Variants in PCDH15 observed in about 807,000 individuals in gnomAD.
PCDH15 encodes the protein protocadherin-15.
Under a neutral mutation model 178.5 loss-of-function variants are expected in PCDH15, and 129 were observed. That is an observed-to-expected ratio of 0.72 (90% confidence interval 0.63 to 0.84). The LOEUF (loss-of-function observed/expected upper bound fraction) is 0.84. PCDH15 is among the 40% of genes least tolerant of loss of function. The pLI, the probability that PCDH15 is intolerant of heterozygous loss-of-function variation, is 0.00. For missense variants in PCDH15, 2,230 were observed against 2,099.9 expected (o/e 1.06, Z -1.21); for synonymous variants, 800 against 732.0 (o/e 1.09, Z -1.50).
intron 3 of PCDH15, among the ~76,000 whole-genome samples, chr10:54,512,359 TTGTGTGTG>T (rs200575121): frequency 0.046 from 6,220 of 134,114 alleles, 200 homozygotes; most frequent in African/African-American, 0.086. Context: ...ATTTCTGGCA[TTGTGTGTG>T]TGTGTGTGTG....
At chr10:55,315,305 C>CAAATGCAAATGTATA (rs1325261091) in intron 1 of PCDH15, among the ~76,000 whole-genome samples, 2 of 151,964 alleles carry the variant, frequency 1.3e-5, no homozygotes, top group East Asian at 3.9e-4. Context: ...AAAATAATTA[C>CAAATGCAAATGTATA]AAATGCAAAT....
chr10:54,682,746 T>C (rs1023616014), intron 1 of PCDH15, among the ~76,000 whole-genome samples: 8 of 152,292 alleles, frequency 5.3e-5, no homozygotes, highest in Admixed American at 2.0e-4. Context: ...CCCATGTGTG[T>C]GTGCATAGTG....
chr10:55,440,876 A>C (rs1212164707), intron 2 of PCDH15, among the ~76,000 whole-genome samples: 2 of 152,154 alleles, frequency 1.3e-5, no homozygotes, highest in African/African-American at 4.8e-5. Context: ...TCCAGACAAG[A>C]GAGAATGAGG....
chr10:54,989,757 A>T (rs1839456302), intron 2 of PCDH15, among the ~76,000 whole-genome samples: 1 of 152,100 alleles, frequency 6.6e-6, no homozygotes, highest in Non-Finnish European at 1.5e-5. Context: ...GGAAAGCATG[A>T]TTGGTTTTGA....
chr10:53,882,691 A>AT (rs1457660013), intron 26 of PCDH15, among the ~76,000 whole-genome samples: 1 of 152,084 alleles, frequency 6.6e-6, no homozygotes, highest in African/African-American at 2.4e-5. Context: ...AAATATGGTT[A>AT]TTTTTCATGA....
At chr10:54,147,445 T>A (rs1025644504) in intron 14 of PCDH15, among the ~76,000 whole-genome samples, 3 of 151,912 alleles carry the variant, frequency 2.0e-5, no homozygotes, top group Non-Finnish European at 4.4e-5. Flanking sequence ...ATTGTATTGA[T>A]AATTATAGAC....
chr10:54,243,740 G>A (rs2055645022), intron 8 of PCDH15, among the ~76,000 whole-genome samples: 2 of 152,092 alleles, frequency 1.3e-5, no homozygotes, highest in African/African-American at 4.8e-5. Flanking sequence ...ACTTTGCTTA[G>A]TTTTGCTTTT....
At chr10:54,128,827 T>C (rs2042190947) in intron 15 of PCDH15, among the ~76,000 whole-genome samples, 2 of 152,188 alleles carry the variant, frequency 1.3e-5, no homozygotes, top group Admixed American at 1.3e-4. Flanking sequence ...TCTAAAGTGT[T>C]TCTTCATAAG....
chr10:54,293,233 A>T (rs983673422), intron 8 of PCDH15, among the ~76,000 whole-genome samples: 2 of 152,248 alleles, frequency 1.3e-5, no homozygotes, highest in Non-Finnish European at 2.9e-5. Flanking sequence ...TCCCTATTTA[A>T]TAAATGGTGC....
chr10:53,940,967 G>A lies in PCDH15; in HGVS notation c.3131C>T (p.Pro1044Leu), dbSNP rs397517455. Residue 1044 changes from proline to leucine, a missense_variant, in exon 24 of 38, where the codon CCA becomes CTA. Physicochemically the swap from Pro to Leu is moderately conservative, Grantham distance 98. Coordinates refer to ENST00000644397, the MANE Select transcript of PCDH15 (RefSeq NM_001384140.1). ...RFTQEEYRPPPVSELATKGTM... is the reference protein window; with the variant it reads ...RFTQEEYRPPLVSELATKGTM... ...CCCTTTGGTGGCAAGTTCACTTACT[G>A]GAGGAGGTCTGCAGGTTTAGAGAAG... 165 of 1,607,182 alleles carry A rather than the reference G, an allele frequency of 1.0e-4. 1 individual carries two copies. The highest frequency in any genetic ancestry group is 9.9e-4 in the Middle Eastern group (6 of 6,054).
chr10:55,447,198 G>A (rs955301166), intron 2 of PCDH15, among the ~76,000 whole-genome samples: 4 of 152,068 alleles, frequency 2.6e-5, no homozygotes, highest in Non-Finnish European at 2.9e-5. Flanking sequence ...ATTGGTAAGT[G>A]TAGTAAACGT....
intron 25 of PCDH15, among the ~76,000 whole-genome samples, chr10:53,908,017 C>T (rs557733569): frequency 6.6e-6 from 1 of 152,150 alleles, no homozygotes; most frequent in Non-Finnish European, 1.5e-5. Context: ...CATTTATCCA[C>T]ATGACTAATC....
At chr10:53,969,623 C>T (rs1001063605) in intron 21 of PCDH15, among the ~76,000 whole-genome samples, 1 of 152,054 alleles carries the variant, frequency 6.6e-6, no homozygotes, top group African/African-American at 2.4e-5. Context: ...GTCTGGTTAC[C>T]CACAAAGGGA....
At chr10:54,290,528 C>A (rs1308371007) in intron 8 of PCDH15, among the ~76,000 whole-genome samples, 1 of 152,154 alleles carries the variant, frequency 6.6e-6, no homozygotes, top group Non-Finnish European at 1.5e-5. Flanking sequence ...ATGACAGGAT[C>A]AAATTCACAC....
At chr10:54,934,591 G>A (rs7476714) in intron 2 of PCDH15, among the ~76,000 whole-genome samples, 20,176 of 151,244 alleles carry the variant, frequency 0.13, 1,513 homozygotes, top group East Asian at 0.23. Context: ...AGGTGCTGGA[G>A]AGGATGTGGA....
At chr10:55,065,781 A>G (rs1841549788) in intron 2 of PCDH15, among the ~76,000 whole-genome samples, 1 of 152,074 alleles carries the variant, frequency 6.6e-6, no homozygotes, top group Non-Finnish European at 1.5e-5. Context: ...CTGTTTGTTT[A>G]GTTTTCTACA....
chr10:55,083,535 A>G (rs1290995337), intron 2 of PCDH15, among the ~76,000 whole-genome samples: 1 of 151,846 alleles, frequency 6.6e-6, no homozygotes, highest in Non-Finnish European at 1.5e-5. Flanking sequence ...CACTATTGCT[A>G]TTTCCATAAT....
intron 2 of PCDH15, among the ~76,000 whole-genome samples, chr10:55,459,446 T>C (rs1459742915): frequency 6.6e-6 from 1 of 152,088 alleles, no homozygotes; most frequent in African/African-American, 2.4e-5. Context: ...CAATAATGAT[T>C]ACCCTATACT....
intron 8 of PCDH15, among the ~76,000 whole-genome samples, chr10:54,300,870 A>G (rs888677442): frequency 6.6e-6 from 1 of 152,172 alleles, no homozygotes; most frequent in Non-Finnish European, 1.5e-5. Flanking sequence ...TAAGGGAATA[A>G]AAGCTGGCCA....
Sources: allele counts gnomAD v4.1 joint callset (sites outside exome capture counted in the v4.1 genomes callset), GRCh38; gene constraint gnomAD v4.1.1; transcripts MANE v1.5; gene names NCBI Gene and HGNC (gene_info 2026-07-23, HGNC 2026-07-21).